DSCAM: variants seen among roughly 807,000 people sequenced by gnomAD.
DSCAM encodes DS cell adhesion molecule.
In DSCAM, 47 loss-of-function variants were observed where a neutral mutation model predicts 217.7. The observed-to-expected ratio is 0.22, with a 90% CI of 0.17 to 0.28. The LOEUF (loss-of-function observed/expected upper bound fraction) is 0.28, where lower values mean the gene tolerates loss of function less well. Ranked by LOEUF, DSCAM falls within the 10% of genes least tolerant of loss-of-function variation. The pLI, the probability that DSCAM is intolerant of heterozygous loss-of-function variation, is 1.00. For synonymous variants in DSCAM, 1,056 were observed against 1,015.3 expected, an observed-to-expected ratio of 1.04 and a Z score of -0.76; for missense variants, 2,080 against 2,618.3, an observed-to-expected ratio of 0.79 and a Z score of 4.49.
In DSCAM at chr21:40,186,145, C is replaced by T. The variant is rs570782448; in HGVS notation, c.2779+986G>A. Among the ~76,000 whole-genome samples, 27 of 152,334 alleles carry T rather than the reference C, an allele frequency of 1.8e-4. No individual in the cohort carries two copies. The East Asian group carries it at 3.9e-3, about 22-fold the overall frequency. ...CCTGAATTCCCGAAGAGTCACCCCT[C>T]GGCTTGCCTTTGCAGTCACCATTTC... On this transcript the variant is annotated intron_variant, in intron 14 of 32. Transcript: ENST00000400454.
At chr21:40,580,999 T>C (rs2076901129) in intron 3 of DSCAM, among the ~76,000 whole-genome samples, 1 of 152,084 alleles carries the variant, frequency 6.6e-6, no homozygotes, top group South Asian at 2.1e-4. Context: ...GATGATAAAA[T>C]ACAAAACAAC....
chr21:40,159,953 A>G (rs1350056081), intron 16 of DSCAM, among the ~76,000 whole-genome samples: 3 of 152,156 alleles, frequency 2.0e-5, no homozygotes, highest in Admixed American at 6.6e-5. Context: ...CCACATTTAC[A>G]TTTATTGGGA....
intron 11 of DSCAM, among the ~76,000 whole-genome samples, chr21:40,248,995 T>C (rs1257257032): frequency 6.6e-6 from 1 of 152,086 alleles, no homozygotes; most frequent in Non-Finnish European, 1.5e-5. Flanking sequence ...TTATTCACCA[T>C]CACACGAATA....
chr21:40,097,007 C>T (rs1182323555), intron 20 of DSCAM, among the ~76,000 whole-genome samples: 1 of 151,860 alleles, frequency 6.6e-6, no homozygotes, highest in East Asian at 1.9e-4. Flanking sequence ...AATTAATCAC[C>T]AGTAGACCCA....
intron 3 of DSCAM, among the ~76,000 whole-genome samples, chr21:40,493,125 C>T (rs8130587): frequency 0.49 from 74,141 of 152,048 alleles, 18,441 homozygotes; most frequent in African/African-American, 0.58. Flanking sequence ...ACAAACCTGT[C>T]CTTCAGAAAA....
At chr21:40,235,861 T>A (rs938182567) in intron 11 of DSCAM, among the ~76,000 whole-genome samples, 11 of 152,142 alleles carry the variant, frequency 7.2e-5, no homozygotes, top group African/African-American at 2.7e-4. Context: ...AATAAACGTA[T>A]GTTTGTATCA....
At chr21:40,062,172 T>C (rs1403388539) in intron 28 of DSCAM, among the ~76,000 whole-genome samples, 1 of 152,192 alleles carries the variant, frequency 6.6e-6, no homozygotes, top group Non-Finnish European at 1.5e-5. Flanking sequence ...AGTAACACAC[T>C]TGTCACAGCT....
At chr21:40,672,251 G>A (rs915931031) in intron 3 of DSCAM, among the ~76,000 whole-genome samples, 6 of 151,980 alleles carry the variant, frequency 3.9e-5, no homozygotes, top group Non-Finnish European at 7.4e-5. Context: ...ACATCAGTCC[G>A]TAGAAGGTGC....
chr21:40,575,042 T>C (rs2076837982), intron 3 of DSCAM, among the ~76,000 whole-genome samples: 1 of 152,142 alleles, frequency 6.6e-6, no homozygotes, highest in African/African-American at 2.4e-5. Context: ...CTGAAGTTAC[T>C]GAAGAATCAC....
chr21:40,456,329 A>G (rs923779790), intron 3 of DSCAM, among the ~76,000 whole-genome samples: 2 of 152,024 alleles, frequency 1.3e-5, no homozygotes, highest in Non-Finnish European at 2.9e-5. Context: ...AAAGTAAATT[A>G]AAATTACACC....
chr21:40,747,451 T>C (rs2091186397), intron 1 of DSCAM, among the ~76,000 whole-genome samples: 1 of 151,590 alleles, frequency 6.6e-6, no homozygotes, highest in African/African-American at 2.4e-5. Flanking sequence ...AATTGGAAAA[T>C]CTAGAAGAAA....
chr21:40,113,215 T>C (rs895111361), intron 20 of DSCAM, among the ~76,000 whole-genome samples: 1 of 152,176 alleles, frequency 6.6e-6, no homozygotes, highest in Non-Finnish European at 1.5e-5. Context: ...TTATCCACCA[T>C]GATCAAGTGG....
chr21:40,327,749 C>T (rs2074333361), intron 8 of DSCAM, among the ~76,000 whole-genome samples: 1 of 151,696 alleles, frequency 6.6e-6, no homozygotes, highest in South Asian at 2.1e-4. Context: ...GAATATTTAT[C>T]ATGAAAGGAT....
rs528062218 is a variant in DSCAM, at chr21:40,328,226, C to G, written c.1783+9875G>C. Among the ~76,000 whole-genome samples the G allele has an allele frequency of 7.9e-5, 12 of 152,246 alleles. No homozygotes were observed. In the East Asian group the frequency reaches 1.7e-3, roughly 22 times the overall value. ...AAAGAACAAAGCTAGAGGCATCACACCACATGACTTCAAAATATACTACTG... is the reference window on the plus strand; with the variant it reads ...AAAGAACAAAGCTAGAGGCATCACAGCACATGACTTCAAAATATACTACTG... On this transcript the variant is annotated intron_variant, in intron 8 of 32. Coordinates refer to ENST00000400454, the MANE Select transcript of DSCAM (RefSeq NM_001389.5).
intron 3 of DSCAM, among the ~76,000 whole-genome samples, chr21:40,420,293 G>A (rs996536347): frequency 2.6e-5 from 4 of 152,114 alleles, no homozygotes; most frequent in East Asian, 1.9e-4. Context: ...ATGAATCTGC[G>A]CTTGAGTGTA....
chr21:40,815,665 G>A (rs1048933627), intron 1 of DSCAM, among the ~76,000 whole-genome samples: 9 of 152,154 alleles, frequency 5.9e-5, no homozygotes, highest in Admixed American at 3.3e-4. Flanking sequence ...AGTTATGGCC[G>A]TTTGCTTTGT....
chr21:40,343,676 AAT>A (rs1252321668), intron 6 of DSCAM, among the ~76,000 whole-genome samples: 1 of 152,034 alleles, frequency 6.6e-6, no homozygotes, highest in Non-Finnish European at 1.5e-5. Flanking sequence ...TATGTATATC[AAT>A]GTGTGTGTAT....
chr21:40,277,298 G>A (rs537335880), intron 10 of DSCAM, among the ~76,000 whole-genome samples: 7 of 152,112 alleles, frequency 4.6e-5, no homozygotes, highest in African/African-American at 1.2e-4. Flanking sequence ...CAAGTCAGAC[G>A]TCTCCACAGG....
Position 40,245,713 on chromosome 21 carries a change from C to T in DSCAM, c.2356+30384G>A, listed in dbSNP as rs185371598. Among the ~76,000 whole-genome samples the T allele has an allele frequency of 7.6e-3, 1,165 of 152,302 alleles. 8 individuals carry two copies. The highest frequency in any genetic ancestry group is 0.01 in the Non-Finnish European group (696 of 68,038). On this transcript the variant is annotated intron_variant, in intron 11 of 32. Transcript: ENST00000400454. ...TGAGGAAGAGATTGTGTGTGAGCCT[C>T]CCTGAGCCATGGACATTACACCTCT...
Sources: gnomAD v4.1 joint callset for allele counts (sites outside exome capture counted in the v4.1 genomes callset) on GRCh38, gnomAD v4.1.1 for gene constraint, MANE v1.5 for transcripts, NCBI Gene and HGNC (gene_info 2026-07-23, HGNC 2026-07-21) for gene names.